The following ABCA13 variants were observed in gnomAD, a reference collection of about 807,000 sequenced individuals.
ABCA13 encodes the protein ATP binding cassette subfamily A member 13, also known as ATP-binding cassette sub-family A member 13.
In ABCA13, 476 loss-of-function variants were observed where a neutral mutation model predicts 478.7. The ratio of observed to expected loss-of-function variants is 0.99; its 90% confidence interval spans 0.92 to 1.07. ABCA13 has a LOEUF of 1.07. Ranked by LOEUF, ABCA13 falls within the 50% of genes least tolerant of loss-of-function variation. The pLI, the probability that ABCA13 is intolerant of heterozygous loss-of-function variation, is 0.00. For missense variants in ABCA13, 6,060 were observed against 5,910.6 expected, an observed-to-expected ratio of 1.03 and a Z score of -0.83; for synonymous variants, 2,252 against 2,158.9, an observed-to-expected ratio of 1.04 and a Z score of -1.20.
chr7:48,226,575 A>T (rs1306657768), intron 5 of ABCA13, among the ~76,000 whole-genome samples: 3 of 152,218 alleles, frequency 2.0e-5, no homozygotes, highest in Non-Finnish European at 4.4e-5. Context: ...GGAACTAGGC[A>T]GCAAGAAGAG....
intron 20 of ABCA13, among the ~76,000 whole-genome samples, chr7:48,289,961 A>G (rs1470572534): frequency 1.3e-5 from 2 of 152,226 alleles, no homozygotes; most frequent in African/African-American, 4.8e-5. Context: ...GCTGTGGGAT[A>G]TGAAGTCGCC....
intron 55 of ABCA13, among the ~76,000 whole-genome samples, chr7:48,542,264 C>T (rs897897407): frequency 6.6e-6 from 1 of 151,636 alleles, no homozygotes; most frequent in Non-Finnish European, 1.5e-5. Flanking sequence ...GTCATCAACA[C>T]AAGAAACAAG....
chr7:48,432,016 T>G (rs1183449182), intron 42 of ABCA13, among the ~76,000 whole-genome samples: 1 of 152,214 alleles, frequency 6.6e-6, no homozygotes, highest in Non-Finnish European at 1.5e-5. Context: ...TTTTAAAATT[T>G]TTTAATTTTA....
intron 31 of ABCA13, among the ~76,000 whole-genome samples, chr7:48,363,068 C>A (rs1203211251): frequency 6.6e-6 from 1 of 152,104 alleles, no homozygotes; most frequent in Non-Finnish European, 1.5e-5. Flanking sequence ...GGAAAATGTA[C>A]TCATTGCTTA....
intron 47 of ABCA13, among the ~76,000 whole-genome samples, chr7:48,484,875 G>A (rs1038219805): frequency 2.6e-5 from 4 of 152,246 alleles, no homozygotes; most frequent in Non-Finnish European, 5.9e-5. Flanking sequence ...ACTGCTGGCG[G>A]CTGATACTGC....
At chr7:48,411,035 C>T (rs1186973236) in intron 40 of ABCA13, among the ~76,000 whole-genome samples, 24 of 109,586 alleles carry the variant, frequency 2.2e-4, no homozygotes, top group African/African-American at 8.0e-4. Context: ...TTCTTTCTTT[C>T]TTTCTTTCTT....
At chr7:48,634,820 T>C (rs769967949) in intron 59 of ABCA13, among the ~76,000 whole-genome samples, 4 of 152,224 alleles carry the variant, frequency 2.6e-5, no homozygotes, top group Non-Finnish European at 2.9e-5. Flanking sequence ...AGCTTTGGAA[T>C]GTTGTCCCTT....
At chr7:48,311,020 C>T (rs1801700273) in intron 24 of ABCA13, among the ~76,000 whole-genome samples, 1 of 152,130 alleles carries the variant, frequency 6.6e-6, no homozygotes, top group African/African-American at 2.4e-5. Flanking sequence ...TCCCCTCTTA[C>T]CCTTAGGCAC....
Position 48,448,643 on chromosome 7 carries a change from T to C in ABCA13, c.12566-6394T>C, listed in dbSNP as rs1824600044. Among the ~76,000 whole-genome samples, 5 of 152,312 alleles carry C rather than the reference T, an allele frequency of 3.3e-5. No homozygotes were observed. The South Asian group carries it at 1.0e-3, about 32-fold the overall frequency. On this transcript the variant is annotated intron_variant, in intron 42 of 61. Transcript: ENST00000435803. ...ATGTAGCATTTTTCTTTTACCTATA[T>C]TGTGTTTTTTTAAGAAAAATTACAT...
intron 54 of ABCA13, among the ~76,000 whole-genome samples, chr7:48,526,285 C>G (rs984388289): frequency 1.3e-5 from 2 of 151,928 alleles, no homozygotes; most frequent in Admixed American, 6.6e-5. Flanking sequence ...GCCTTTGGGG[C>G]CTTCACTTTG....
In ABCA13 at chr7:48,278,116, C is replaced by A; in HGVS notation, c.6922C>A (p.Leu2308Ile). 1.5e-6 allele frequency: 2 copies of A among 1,336,032 alleles called. No individual in the cohort carries two copies. The highest frequency in any genetic ancestry group is 2.0e-6 in the Non-Finnish European group (2 of 1,013,234). 82.8% of individuals were successfully genotyped at this position (1,336,032 alleles called of 1,614,324 possible). The change falls in exon 18 of 62, where the codon CTA becomes ATA. Residue 2308 changes from leucine to isoleucine, a missense_variant. Physicochemically the swap from Leu to Ile is conservative, Grantham distance 5. Around this residue, in one of 3 missense-constraint regions of ABCA13, gnomAD observed 4,423 missense variants for 4,309.1 expected, o/e 1.03. Transcript: ENST00000435803. The part of the protein sequence containing the change: ...EMSFVPKDKI[L>I]EILKLDQFLT... ...CAGTTTTGTCCCAAAAGATAAAATT[C>A]TAGAAATTCTGAAACTGGATCAATT...
chr7:48,229,111 C>A (rs1182901653), intron 6 of ABCA13, among the ~76,000 whole-genome samples: 1 of 152,124 alleles, frequency 6.6e-6, no homozygotes, highest in African/African-American at 2.4e-5. Context: ...AGGAAATAAT[C>A]TGTTTGGAAG....
intron 58 of ABCA13, among the ~76,000 whole-genome samples, chr7:48,604,097 T>C (rs1041592817): frequency 4.6e-5 from 7 of 152,224 alleles, no homozygotes; most frequent in African/African-American, 1.7e-4. Context: ...TCATTTTTTA[T>C]TGCATCTATT....
At chr7:48,488,064 G>A (rs56326742) in intron 47 of ABCA13, among the ~76,000 whole-genome samples, 42,890 of 151,750 alleles carry the variant, frequency 0.28, 6,630 homozygotes, top group African/African-American at 0.4. Context: ...GTCTCAAGCT[G>A]CACTTCTTCT....
intron 38 of ABCA13, among the ~76,000 whole-genome samples, chr7:48,393,098 G>A (rs1816310262): frequency 6.6e-6 from 1 of 152,198 alleles, no homozygotes; most frequent in South Asian, 2.1e-4. Flanking sequence ...TTAGACCAGA[G>A]GTAAAAGGGA....
intron 42 of ABCA13, among the ~76,000 whole-genome samples, chr7:48,447,415 CTG>C (rs1236116187): frequency 6.6e-6 from 1 of 152,172 alleles, no homozygotes; most frequent in Non-Finnish European, 1.5e-5. Context: ...CTTGGGAATA[CTG>C]TGAGTAGCTG....
chr7:48,605,008 T>C (rs1791323023), intron 58 of ABCA13, among the ~76,000 whole-genome samples: 2 of 152,230 alleles, frequency 1.3e-5, no homozygotes, highest in Admixed American at 6.5e-5. Flanking sequence ...TTTTGATCTT[T>C]GTTGGTTTAA....
intron 3 of ABCA13, among the ~76,000 whole-genome samples, chr7:48,217,854 T>C (rs1294946508): frequency 1.3e-5 from 2 of 152,256 alleles, no homozygotes; most frequent in African/African-American, 2.4e-5. Context: ...TTTTATCCCC[T>C]TCCCTTTGCA....
At chr7:48,570,988 A>G (rs1787591622) in intron 55 of ABCA13, among the ~76,000 whole-genome samples, 1 of 152,006 alleles carries the variant, frequency 6.6e-6, no homozygotes, top group Non-Finnish European at 1.5e-5. Context: ...TTTTCTTAGC[A>G]GTTTTCCTGG....
Sources: gnomAD v4.1 joint callset for allele counts (sites outside exome capture counted in the v4.1 genomes callset) on GRCh38, gnomAD v4.1.1 for gene constraint, gnomAD v4.1.1 regional missense constraint, MANE v1.5 for transcripts, NCBI Gene and HGNC (gene_info 2026-07-23, HGNC 2026-07-21) for gene names.